The following ZSCAN30 variants were observed in gnomAD, a reference collection of about 807,000 sequenced individuals.
The protein encoded by ZSCAN30 is zinc finger and SCAN domain-containing protein 30.
A neutral mutation model predicts 44.3 loss-of-function variants in ZSCAN30; 37 were observed. That is an observed-to-expected ratio of 0.84 (90% CI 0.64 to 1.10). ZSCAN30 has a LOEUF of 1.10. ZSCAN30 is among the 50% of genes least tolerant of loss of function. The probability of loss-of-function intolerance (pLI) is 0.00; values close to 1 mark genes in which losing one functional copy is unlikely to be tolerated. For missense variants in ZSCAN30, 549 were observed against 582.6 expected, an observed-to-expected ratio of 0.94 and a Z score of 0.59; for synonymous variants, 181 against 204.6, an observed-to-expected ratio of 0.88 and a Z score of 0.98.
At chr18:35,278,791 C>G (rs1216248828) in intron 1 of ZSCAN30, among the ~76,000 whole-genome samples, 4 of 152,210 alleles carry the variant, frequency 2.6e-5, no homozygotes, top group African/African-American at 7.2e-5. Flanking sequence ...TCATTAGTTA[C>G]AAGTTCTACT....
chr18:35,255,537 T>C (rs1367670988), intron 3 of ZSCAN30, among the ~76,000 whole-genome samples: 2 of 152,128 alleles, frequency 1.3e-5, no homozygotes, highest in Non-Finnish European at 1.5e-5. Flanking sequence ...CTATCTGCCT[T>C]CCATATTGGA....
chr18:35,256,456 G>T (rs929587747), intron 3 of ZSCAN30: 1 of 152,076 alleles, frequency 6.6e-6, no homozygotes, highest in African/African-American at 2.4e-5. Context: ...AGCTACTCGG[G>T]AGGATGAGGC....
chr18:35,276,830 G>A (rs2044375099), intron 1 of ZSCAN30, among the ~76,000 whole-genome samples: 1 of 152,202 alleles, frequency 6.6e-6, no homozygotes, highest in Non-Finnish European at 1.5e-5. Flanking sequence ...GCTGTGAGAA[G>A]AGGACCTCTG....
intron 1 of ZSCAN30, chr18:35,267,044 CA>C: frequency 6.5e-6 from 1 of 152,940 alleles, no homozygotes; most frequent in Non-Finnish European, 1.5e-5. Flanking sequence ...TTTGGGAGGC[CA>C]AAGGCAGGAG....
chr18:35,287,951 C>T (rs2044583057), intron 1 of ZSCAN30, among the ~76,000 whole-genome samples: 1 of 151,444 alleles, frequency 6.6e-6, no homozygotes, highest in African/African-American at 2.4e-5. Context: ...CCACCCACTG[C>T]AAGCTCCACC....
chr18:35,262,373 CA>C (rs1274554812), intron 3 of ZSCAN30: 1 of 152,200 alleles, frequency 6.6e-6, no homozygotes, highest in African/African-American at 2.4e-5. Flanking sequence ...ATAACATAAT[CA>C]AAGTCCTTTC....
At chr18:35,273,334 A>AT (rs2044316826) in intron 1 of ZSCAN30, among the ~76,000 whole-genome samples, 1 of 152,068 alleles carries the variant, frequency 6.6e-6, no homozygotes, top group Admixed American at 6.5e-5. Context: ...ACTTAACATA[A>AT]TGTCTCCAGG....
chr18:35,267,551 T>TG (rs1379013278), intron 1 of ZSCAN30: 9 of 151,552 alleles, frequency 5.9e-5, no homozygotes, highest in African/African-American at 1.5e-4. Flanking sequence ...GCGCCGGAAG[T>TG]GGGAGAGTGC....
intron 1 of ZSCAN30, among the ~76,000 whole-genome samples, chr18:35,286,751 C>T (rs950561961): frequency 2.0e-5 from 3 of 152,088 alleles, no homozygotes; most frequent in Admixed American, 6.5e-5. Context: ...TTTCCCCTTT[C>T]TTCATTTCTA....
intron 3 of ZSCAN30, chr18:35,257,821 G>A (rs887682683): frequency 2.7e-5 from 21 of 773,324 alleles, no homozygotes; most frequent in African/African-American, 1.7e-4. Flanking sequence ...ATGCTTCAGC[G>A]GCCCATGAAA....
Position 35,263,510 on chromosome 18 carries a change from C to T in ZSCAN30, c.553+3G>A. On this transcript the variant is annotated splice_donor_region_variant and intron_variant, in intron 3 of 3. Transcript: ENST00000333206. ...CAACCCCACATGGACTGGGGCTTCT[C>T]ACCTCTCTCCTGGAAAGCCTGGGAC... The T allele has an allele frequency of 6.2e-7, 1 of 1,614,170 alleles. No individual in the cohort carries two copies.
chr18:35,254,512 A>C, intron 3 of ZSCAN30, 131 bp from the exon 4 acceptor site: 1 of 1,529,816 alleles, frequency 6.5e-7, no homozygotes. Context: ...CTAGATTCCC[A>C]ATCTAGAATT....
In ZSCAN30 at chr18:35,253,267, T is replaced by A; in HGVS notation, c.*183A>T. The A allele has an allele frequency of 2.1e-6, 1 of 479,094 alleles. No individual in the cohort carries two copies. The highest frequency in any genetic ancestry group is 3.6e-6 in the Non-Finnish European group (1 of 275,692). The allele number at this position is 479,094 out of a possible 1,614,324, so 29.7% of individuals were successfully genotyped here. The stretch of plus-strand genomic sequence containing the variant: ...CTTTTTGGAGAAGACTTGGGTAACA[T>A]TTTTCTTCCATTTAACACTTCAATA... On this transcript the variant is annotated 3_prime_UTR_variant, in exon 4 of 4. Coordinates refer to ENST00000333206, the MANE Select transcript of ZSCAN30 (RefSeq NM_001112734.4).
intron 1 of ZSCAN30, chr18:35,268,424 T>C (rs552087613): frequency 6.6e-6 from 1 of 152,122 alleles, no homozygotes; most frequent in African/African-American, 2.4e-5. Flanking sequence ...TGATTGAAAA[T>C]AGGGCAAGGG....
chr18:35,263,234 A>AC, intron 3 of ZSCAN30: 1 of 364,146 alleles, frequency 2.7e-6, no homozygotes, highest in Non-Finnish European at 5.0e-6. Flanking sequence ...ATAGAGTGAG[A>AC]CCCCATCTAA....
intron 1 of ZSCAN30, among the ~76,000 whole-genome samples, chr18:35,280,018 G>A (rs1044635217): frequency 3.3e-5 from 5 of 152,140 alleles, no homozygotes; most frequent in African/African-American, 1.2e-4. Context: ...GCTCATGCCT[G>A]TAATCCCAGC....
At chr18:35,289,595 C>G (rs2044617523) in intron 1 of ZSCAN30, 1 of 152,156 alleles carries the variant, frequency 6.6e-6, no homozygotes, top group African/African-American at 2.4e-5. Flanking sequence ...ACAGCAATAT[C>G]CTTTCCTACC....
In ZSCAN30 at chr18:35,254,384, A is replaced by G. The variant is rs1379359809; in HGVS notation, c.554-3T>C. 3 of 1,613,964 alleles carry G rather than the reference A, an allele frequency of 1.9e-6. No homozygotes were observed. Among genetic ancestry groups the G allele is most frequent in the Non-Finnish European group, 2.5e-6 (3 of 1,179,894 alleles). ...TTTGCCAGCCACCATCCTGCCATCT[A>G]AAAATGTGAATAGAAAGTGTAAGTA... On this transcript the variant is annotated splice_polypyrimidine_tract_variant and splice_region_variant and intron_variant, in intron 3 of 3. Coordinates refer to ENST00000333206, the MANE Select transcript of ZSCAN30 (RefSeq NM_001112734.4).
At chr18:35,266,656 A>AC (rs1569073940) in intron 1 of ZSCAN30, 1 of 114,282 alleles carries the variant, frequency 8.8e-6, no homozygotes, top group Admixed American at 9.5e-5. Flanking sequence ...TATTTCTCCT[A>AC]ATTTTTTTTT....
Sources: allele counts gnomAD v4.1 joint callset (sites outside exome capture counted in the v4.1 genomes callset), GRCh38; gene constraint gnomAD v4.1.1; transcripts MANE v1.5; gene names NCBI Gene and HGNC (gene_info 2026-07-23, HGNC 2026-07-21).